Variants in NECAB1 observed in about 807,000 individuals in gnomAD.
NECAB1 encodes N-terminal EF-hand calcium binding protein 1.
A neutral mutation model predicts 57.5 loss-of-function variants in NECAB1; 29 were observed. The observed-to-expected ratio is 0.50, with a 90% confidence interval of 0.38 to 0.69. The LOEUF is 0.69. NECAB1 is among the 30% of genes least tolerant of loss of function. The probability of loss-of-function intolerance (pLI) is 0.00; values close to 1 mark genes in which losing one functional copy is unlikely to be tolerated. For synonymous variants in NECAB1, 142 were observed against 147.7 expected (o/e 0.96, Z 0.28); for missense variants, 372 against 413.8 (o/e 0.90, Z 0.88).
chr8:90,948,829 G>A (rs1250528379), intron 10 of NECAB1, among the ~76,000 whole-genome samples: 2 of 152,032 alleles, frequency 1.3e-5, no homozygotes, highest in African/African-American at 4.8e-5. Context: ...AAAACCCACT[G>A]TGCCATCGGA....
At chr8:90,915,097 C>T (rs561404038) in intron 5 of NECAB1, among the ~76,000 whole-genome samples, 11 of 152,222 alleles carry the variant, frequency 7.2e-5, no homozygotes, top group African/African-American at 2.4e-4. Context: ...ATGCAGTCTA[C>T]AAATAAGTAT....
chr8:90,836,564 C>T (rs1030686900), intron 3 of NECAB1, among the ~76,000 whole-genome samples: 2 of 152,154 alleles, frequency 1.3e-5, no homozygotes, highest in Non-Finnish European at 1.5e-5. Context: ...CTAACTTTTC[C>T]TCAATCTTCC....
At chr8:90,870,595 A>G (rs1374811562) in intron 3 of NECAB1, among the ~76,000 whole-genome samples, 3 of 152,194 alleles carry the variant, frequency 2.0e-5, no homozygotes, top group African/African-American at 7.2e-5. Flanking sequence ...CAACAATTTA[A>G]CATTTGAGAT....
At position 90,881,055 on chromosome 8, in the gene NECAB1, C is replaced by T. The variant is rs774924803; in HGVS notation, c.282C>T (p.Gly94=). ...ELCEYFSQHL[G]EYENVLAALE... ...CAGAATATTTTTCTCAGCACTTGGG[C>T]GAGTATGAGAATGTACTAGCAGCAC... Residue 94 remains glycine, a synonymous_variant, in exon 5 of 13, where the codon GGC becomes GGT. Coordinates refer to ENST00000417640, the MANE Select transcript of NECAB1 (RefSeq NM_022351.5). The T allele has an allele frequency of 2.0e-5, 32 of 1,602,900 alleles. No homozygotes were observed. The highest frequency in any genetic ancestry group is 8.0e-5 in the African/African-American group (6 of 74,570).
At chr8:90,921,949 A>G (rs959411205) in intron 6 of NECAB1, among the ~76,000 whole-genome samples, 3 of 152,362 alleles carry the variant, frequency 2.0e-5, no homozygotes, top group Middle Eastern at 3.4e-3. Flanking sequence ...TCATGTAAAA[A>G]TGGATATTTG....
chr8:90,856,774 T>C (rs566078079), intron 3 of NECAB1, among the ~76,000 whole-genome samples: 1 of 152,312 alleles, frequency 6.6e-6, no homozygotes, highest in South Asian at 2.1e-4. Context: ...TGACCCAGAG[T>C]GCTGACAAAG....
intron 3 of NECAB1, among the ~76,000 whole-genome samples, chr8:90,825,430 C>A (rs1243892901): frequency 1.3e-5 from 2 of 151,740 alleles, no homozygotes; most frequent in Non-Finnish European, 2.9e-5. Context: ...ATAATGAGGA[C>A]TTTAGGGTAT....
intron 5 of NECAB1, among the ~76,000 whole-genome samples, chr8:90,896,842 C>T: frequency 6.6e-6 from 1 of 152,078 alleles, no homozygotes; most frequent in East Asian, 1.9e-4. Flanking sequence ...TGATTACCTG[C>T]TACCTGCTCT....
intron 5 of NECAB1, among the ~76,000 whole-genome samples, chr8:90,883,825 CA>C (rs540148113): frequency 6.6e-6 from 1 of 152,084 alleles, no homozygotes; most frequent in Admixed American, 6.5e-5. Context: ...CACATACACA[CA>C]AAAAAATAGC....
At chr8:90,935,509 T>C (rs1355126483) in intron 9 of NECAB1, among the ~76,000 whole-genome samples, 2 of 152,086 alleles carry the variant, frequency 1.3e-5, no homozygotes, top group African/African-American at 4.8e-5. Flanking sequence ...AGAGGGGTGT[T>C]GAGCACATAT....
chr8:90,806,003 G>C (rs984694424), intron 2 of NECAB1, among the ~76,000 whole-genome samples: 1 of 152,150 alleles, frequency 6.6e-6, no homozygotes, highest in Non-Finnish European at 1.5e-5. Context: ...AACTTTTTCA[G>C]ATTCCACATG....
At chr8:90,839,039 A>G (rs1812413779) in intron 3 of NECAB1, among the ~76,000 whole-genome samples, 1 of 152,226 alleles carries the variant, frequency 6.6e-6, no homozygotes, top group South Asian at 2.1e-4. Flanking sequence ...GGAATAGGGA[A>G]GGGATGATTG....
At chr8:90,814,158 G>T (rs964341683) in intron 2 of NECAB1, among the ~76,000 whole-genome samples, 4 of 152,166 alleles carry the variant, frequency 2.6e-5, no homozygotes, top group African/African-American at 7.2e-5. Flanking sequence ...AGGAGTACTA[G>T]GTCTGCTATT....
chr8:90,858,998 T>A (rs1303708155), intron 3 of NECAB1: 1 of 152,214 alleles, frequency 6.6e-6, no homozygotes, highest in Non-Finnish European at 1.5e-5. Flanking sequence ...TGGAAATTCC[T>A]TTGGAATTCC....
chr8:90,920,121 A>G (rs1810067209), intron 6 of NECAB1, among the ~76,000 whole-genome samples: 1 of 152,160 alleles, frequency 6.6e-6, no homozygotes, highest in Admixed American at 6.6e-5. Flanking sequence ...TCACTCAAAA[A>G]CAGCTTCAAA....
At chr8:90,936,307 A>T (rs1236559935) in intron 9 of NECAB1, among the ~76,000 whole-genome samples, 1 of 152,138 alleles carries the variant, frequency 6.6e-6, no homozygotes, top group Non-Finnish European at 1.5e-5. Context: ...CTATGACAGA[A>T]AGCAAAGAAT....
chr8:90,871,341 T>C (rs1379783601), intron 3 of NECAB1, among the ~76,000 whole-genome samples: 1 of 152,164 alleles, frequency 6.6e-6, no homozygotes, highest in Non-Finnish European at 1.5e-5. Context: ...CTTTAAGTTA[T>C]GGTGTAATAA....
At chr8:90,810,317 A>C (rs772819636) in intron 2 of NECAB1, among the ~76,000 whole-genome samples, 2 of 152,236 alleles carry the variant, frequency 1.3e-5, no homozygotes, top group Non-Finnish European at 2.9e-5. Flanking sequence ...TTGGAACTTT[A>C]ATCTGCCATT....
intron 4 of NECAB1, among the ~76,000 whole-genome samples, chr8:90,874,285 G>A (rs1982785): frequency 0.49 from 74,632 of 152,064 alleles, 23,135 homozygotes; most frequent in African/African-American, 0.85. Flanking sequence ...AAGCCAATTA[G>A]AAGTTGCAGG....
Sources: allele counts gnomAD v4.1 joint callset (sites outside exome capture counted in the v4.1 genomes callset), GRCh38; gene constraint gnomAD v4.1.1; transcripts MANE v1.5; gene names NCBI Gene and HGNC (gene_info 2026-07-23, HGNC 2026-07-21).